The following FSTL5 variants were observed in gnomAD, a reference collection of about 807,000 sequenced individuals.
The protein encoded by FSTL5 is follistatin like 5.
Under a neutral mutation model 89.1 loss-of-function variants are expected in FSTL5, and 62 were observed. That is an observed-to-expected ratio of 0.70 (90% confidence interval 0.57 to 0.86). The LOEUF (loss-of-function observed/expected upper bound fraction) is 0.86, where lower values mean the gene tolerates loss of function less well. Ranked by LOEUF, FSTL5 falls within the 40% of genes least tolerant of loss-of-function variation. The pLI is 0.00. For missense variants in FSTL5, 1,057 were observed against 1,001.6 expected, an observed-to-expected ratio of 1.06 and a Z score of -0.75; for synonymous variants, 383 against 346.2, an observed-to-expected ratio of 1.11 and a Z score of -1.18.
chr4:162,059,512 T>G (rs1171434972), intron 2 of FSTL5, among the ~76,000 whole-genome samples: 2 of 152,260 alleles, frequency 1.3e-5, no homozygotes, highest in Admixed American at 1.3e-4. Flanking sequence ...TAATATCTAT[T>G]TGTGTTTATT....
At chr4:161,876,544 A>G (rs1426884588) in intron 4 of FSTL5, among the ~76,000 whole-genome samples, 2 of 152,184 alleles carry the variant, frequency 1.3e-5, no homozygotes, top group Non-Finnish European at 2.9e-5. Flanking sequence ...AAGATGGCTA[A>G]TCAAACCTTC....
At chr4:162,086,919 C>T (rs1167103584) in intron 2 of FSTL5, among the ~76,000 whole-genome samples, 1 of 152,006 alleles carries the variant, frequency 6.6e-6, no homozygotes, top group East Asian at 1.9e-4. Context: ...TTTACAATTA[C>T]ATATGATCTT....
chr4:161,464,417 T>C (rs1399604335), intron 13 of FSTL5, among the ~76,000 whole-genome samples: 2 of 152,122 alleles, frequency 1.3e-5, no homozygotes, highest in Non-Finnish European at 1.5e-5. Flanking sequence ...GATCACCCTA[T>C]TTAATAATCA....
Position 161,492,427 on chromosome 4 carries a change from ATGTC to A in FSTL5, c.1458+7585_1458+7588del, listed in dbSNP as rs539612341. 4.2e-3 allele frequency among the ~76,000 whole-genome samples: 645 copies of A among 152,274 alleles called. 5 individuals are homozygous for A. The highest frequency in any genetic ancestry group is 0.01 in the South Asian group (49 of 4,834). ...ATAGCCAGAAACATAAATGTTATGT[ATGTC>A]TATTATTAACTTTTAGTATAACTTT... On this transcript the variant is annotated intron_variant, in intron 12 of 15. Transcript: ENST00000306100.
In FSTL5 at chr4:162,098,881, G is replaced by A. The variant is rs539407468; in HGVS notation, c.126+12390C>T. Among the ~76,000 whole-genome samples, 5 of 152,072 alleles carry A rather than the reference G, an allele frequency of 3.3e-5. No individual in the cohort carries two copies. In the South Asian group the frequency reaches 1.0e-3, roughly 32 times the overall value. ...AACTGCACATCTACATGCAAAAACA[G>A]CAACAAAAAGAATCCACACACAGAC... On this transcript the variant is annotated intron_variant, in intron 2 of 15. Coordinates refer to ENST00000306100, the MANE Select transcript of FSTL5 (RefSeq NM_020116.5).
At chr4:161,835,326 A>G (rs368560621) in intron 4 of FSTL5, among the ~76,000 whole-genome samples, 16 of 152,054 alleles carry the variant, frequency 1.1e-4, no homozygotes, top group South Asian at 2.1e-4. Flanking sequence ...AGACTTAAAC[A>G]TTAGACCTAA....
chr4:161,723,793 C>A (rs563309294), intron 6 of FSTL5, among the ~76,000 whole-genome samples: 147 of 151,928 alleles, frequency 9.7e-4, no homozygotes, highest in African/African-American at 3.3e-3. Context: ...AAGAACGAAA[C>A]CTTAAAGAAA....
intron 4 of FSTL5, among the ~76,000 whole-genome samples, chr4:161,849,748 AT>A (rs1731493308): frequency 6.6e-6 from 1 of 152,170 alleles, no homozygotes; most frequent in Non-Finnish European, 1.5e-5. Flanking sequence ...TCTACTAATA[AT>A]GAAAAATATG....
chr4:161,773,114 G>C (rs1316329786), intron 5 of FSTL5, among the ~76,000 whole-genome samples: 1 of 152,084 alleles, frequency 6.6e-6, no homozygotes, highest in Non-Finnish European at 1.5e-5. Flanking sequence ...CTATTCAACA[G>C]ATGGTGCTGG....
intron 8 of FSTL5, among the ~76,000 whole-genome samples, chr4:161,563,710 C>G (rs965157454): frequency 2.6e-5 from 4 of 151,916 alleles, no homozygotes; most frequent in Non-Finnish European, 5.9e-5. Context: ...TTTCTGTAGT[C>G]TTATTTCTCC....
intron 4 of FSTL5, among the ~76,000 whole-genome samples, chr4:161,870,378 AGAGC>A (rs368676407): frequency 0.034 from 5,234 of 152,092 alleles, 169 homozygotes; most frequent in East Asian, 0.15. Flanking sequence ...ACACAAAGAG[AGAGC>A]GAGAGGAGAG....
At position 162,054,293 on chromosome 4, in the gene FSTL5, T is replaced by C. The variant is rs77430687; in HGVS notation, c.127-20635A>G. On this transcript the variant is annotated intron_variant, in intron 2 of 15. Transcript: ENST00000306100. ...ACTAGTAACACTCTATTGAGAACAT[T>C]TGTCAACGTGTGAATAGAATCCTGC... 1.4e-4 allele frequency among the ~76,000 whole-genome samples: 22 copies of C among 151,888 alleles called. 1 individual carries two copies. The East Asian group carries it at 4.1e-3, about 28-fold the overall frequency.
At chr4:161,518,221 C>T (rs899568399) in intron 10 of FSTL5, among the ~76,000 whole-genome samples, 16 of 152,052 alleles carry the variant, frequency 1.1e-4, no homozygotes, top group African/African-American at 3.6e-4. Context: ...CATTAGGGCA[C>T]GTAATACAGA....
chr4:161,956,491 T>C (rs991831591), intron 3 of FSTL5, among the ~76,000 whole-genome samples: 1 of 151,920 alleles, frequency 6.6e-6, no homozygotes, highest in Non-Finnish European at 1.5e-5. Flanking sequence ...TTGTTATTTC[T>C]GTACTTCAAA....
intron 8 of FSTL5, among the ~76,000 whole-genome samples, chr4:161,575,358 A>G (rs546872630): frequency 5.4e-4 from 82 of 152,216 alleles, no homozygotes; most frequent in African/African-American, 1.9e-3. Context: ...TTAGATCTCT[A>G]TGTCAATTTT....
In FSTL5 at chr4:162,143,548, C is replaced by T. The variant is rs973441726; in HGVS notation, c.-17+20067G>A. Among the ~76,000 whole-genome samples, 8 of 152,108 alleles carry T rather than the reference C, an allele frequency of 5.3e-5. No homozygotes were observed. The South Asian group carries it at 1.7e-3, about 32-fold the overall frequency. Reference sequence around the variant, plus strand: ...TCATTATCAATTTAAATGTCCAAAGCATATTATTTTCTGTTTTTCTCTTTT... The same window carrying T: ...TCATTATCAATTTAAATGTCCAAAGTATATTATTTTCTGTTTTTCTCTTTT... On this transcript the variant is annotated intron_variant, in intron 1 of 15. Coordinates refer to ENST00000306100, the MANE Select transcript of FSTL5 (RefSeq NM_020116.5).
intron 4 of FSTL5, among the ~76,000 whole-genome samples, chr4:161,824,564 A>G (rs944618371): frequency 6.6e-6 from 1 of 152,120 alleles, no homozygotes; most frequent in Non-Finnish European, 1.5e-5. Context: ...CTAGCCATAC[A>G]TGAGCATGGG....
intron 6 of FSTL5, among the ~76,000 whole-genome samples, chr4:161,719,647 G>T (rs981714452): frequency 6.6e-6 from 1 of 152,026 alleles, no homozygotes; most frequent in Admixed American, 6.6e-5. Flanking sequence ...TGTCCGCTTT[G>T]ATCTCTTTCA....
chr4:161,406,883 G>T (rs1198065971), intron 15 of FSTL5, among the ~76,000 whole-genome samples: 1 of 151,986 alleles, frequency 6.6e-6, no homozygotes, highest in Non-Finnish European at 1.5e-5. Context: ...AATCAATTTT[G>T]CCCACACCCG....
Sources: allele counts gnomAD v4.1 joint callset (sites outside exome capture counted in the v4.1 genomes callset), GRCh38; gene constraint gnomAD v4.1.1; transcripts MANE v1.5; gene names NCBI Gene and HGNC (gene_info 2026-07-23, HGNC 2026-07-21).